The following RYR2 variants were observed in gnomAD, a reference collection of about 807,000 sequenced individuals.
RYR2 encodes the protein ryanodine receptor 2, also known as cardiac muscle ryanodine receptor-calcium release channel.
RYR2 carries 227 observed loss-of-function variants against 601.1 expected under a neutral mutation model. The observed-to-expected ratio is 0.38, with a 90% CI of 0.34 to 0.42. RYR2 has a LOEUF of 0.42. Among genes scored for constraint, RYR2 ranks in the 10% least tolerant of loss-of-function variants. The pLI is 1.00. For synonymous variants in RYR2, 2,223 were observed against 2,175.1 expected (o/e 1.02, Z -0.61); for missense variants, 4,646 against 6,156.5 (o/e 0.75, Z 8.21).
chr1:237,380,359 AATATATATATATATATATATAT>A (rs57204036), intron 8 of RYR2, among the ~76,000 whole-genome samples: 751 of 29,244 alleles, frequency 0.026, 31 homozygotes, highest in Non-Finnish European at 0.038. Flanking sequence ...AGAATACACA[AATATATATATATATATATATAT>A]ATATATATAT....
intron 29 of RYR2, among the ~76,000 whole-genome samples, chr1:237,578,358 G>GC (rs1673499839): frequency 6.6e-6 from 1 of 152,102 alleles, no homozygotes; most frequent in African/African-American, 2.4e-5. Context: ...TGAGCAGGGT[G>GC]CTTTGTATGT....
intron 27 of RYR2, among the ~76,000 whole-genome samples, chr1:237,557,893 T>C (rs763525763): frequency 3.9e-5 from 6 of 152,178 alleles, no homozygotes; most frequent in Non-Finnish European, 8.8e-5. Flanking sequence ...ACATCTTCAG[T>C]TTGAGGTGCA....
At chr1:237,140,471 C>T (rs1234229218) in intron 1 of RYR2, among the ~76,000 whole-genome samples, 3 of 152,176 alleles carry the variant, frequency 2.0e-5, no homozygotes, top group African/African-American at 4.8e-5. Flanking sequence ...ACACACAACA[C>T]TGATGCCCCA....
rs1251818073 is a variant in RYR2 at position 237,654,206 on chromosome 1, G to A, written c.7825-68G>A. The A allele has an allele frequency of 1.0e-5, 16 of 1,552,782 alleles. No individual in the cohort carries two copies. The South Asian group carries it at 1.3e-4, about 13-fold the overall frequency. On this transcript the variant is annotated intron_variant, in intron 51 of 104. Coordinates refer to ENST00000366574, the MANE Select transcript of RYR2 (RefSeq NM_001035.3). The stretch of plus-strand genomic sequence containing the variant: ...AATGTAGCATTAGAGTGTGATATGA[G>A]GAGAAATGAAAAAAAAATATAAAAG...
intron 1 of RYR2, among the ~76,000 whole-genome samples, chr1:237,058,634 A>G (rs1662460706): frequency 6.6e-6 from 1 of 152,114 alleles, no homozygotes; most frequent in Admixed American, 6.5e-5. Context: ...TCTTCCTTGG[A>G]GGCGGGGCGT....
chr1:237,460,566 A>G (rs1352615346), intron 16 of RYR2, among the ~76,000 whole-genome samples: 1 of 152,212 alleles, frequency 6.6e-6, no homozygotes, highest in Non-Finnish European at 1.5e-5. Flanking sequence ...ATGCTTGAAT[A>G]GAGTAGGCAG....
At chr1:237,630,636 T>C (rs1483287399) in intron 41 of RYR2, among the ~76,000 whole-genome samples, 1 of 152,148 alleles carries the variant, frequency 6.6e-6, no homozygotes, top group Admixed American at 6.5e-5. Flanking sequence ...GAAAATGTTT[T>C]ATAGAAAAGA....
chr1:237,798,689 C>T (rs970305461), intron 97 of RYR2, among the ~76,000 whole-genome samples: 1 of 151,928 alleles, frequency 6.6e-6, no homozygotes, highest in African/African-American at 2.4e-5. Context: ...GTAAAGTTTA[C>T]TTCAAAATGA....
chr1:237,061,268 C>CTAT (rs1553275474), intron 1 of RYR2, among the ~76,000 whole-genome samples: 163 of 88,736 alleles, frequency 1.8e-3, no homozygotes, highest in Non-Finnish European at 2.7e-3. Flanking sequence ...ATCTATCTAT[C>CTAT]CATCTATCAT....
At chr1:237,253,647 T>C (rs542774729) in intron 1 of RYR2, among the ~76,000 whole-genome samples, 1 of 152,358 alleles carries the variant, frequency 6.6e-6, no homozygotes, top group South Asian at 2.1e-4. Context: ...CTGTTTTGCT[T>C]GTACTTACTT....
intron 2 of RYR2, among the ~76,000 whole-genome samples, chr1:237,322,811 AAC>A (rs1050470635): frequency 5.2e-4 from 76 of 144,852 alleles, no homozygotes; most frequent in Non-Finnish European, 5.4e-4. Context: ...ATACGTAATA[AAC>A]ACACACACGT....
chr1:237,615,555 AG>A (rs1298614243), intron 37 of RYR2, among the ~76,000 whole-genome samples: 1 of 152,078 alleles, frequency 6.6e-6, no homozygotes, highest in Non-Finnish European at 1.5e-5. Context: ...AGATGTCTAA[AG>A]GGTCCTTTAT....
At chr1:237,304,661 T>G (rs1405828580) in intron 2 of RYR2, among the ~76,000 whole-genome samples, 1 of 152,242 alleles carries the variant, frequency 6.6e-6, no homozygotes, top group Non-Finnish European at 1.5e-5. Flanking sequence ...GGCATTTATT[T>G]ATATATGTAT....
intron 17 of RYR2, among the ~76,000 whole-genome samples, chr1:237,480,132 T>C (rs1661871429): frequency 6.6e-6 from 1 of 152,050 alleles, no homozygotes; most frequent in Non-Finnish European, 1.5e-5. Context: ...AAGATAGGCA[T>C]ATCTGGCGGG....
Position 237,633,595 on chromosome 1 carries a change from G to A in RYR2, c.6573G>A (p.Lys2191=). The A allele has an allele frequency of 6.2e-7, 1 of 1,613,960 alleles. No homozygotes were observed. The highest frequency in any genetic ancestry group is 1.1e-5 in the South Asian group (1 of 91,080). ...ATCTGTAGGAAATCACCTTTCCCAA[G>A]ATGGTGGCCAACTGTTGCCGTTTTC... ...GGESKEITFP[K]MVANCCRFLC... Residue 2191 remains lysine (K), a synonymous_variant, in exon 43 of 105, where the codon AAG becomes AAA. Transcript: ENST00000366574.
rs1409363485 is a variant in RYR2, at chr1:237,794,005, A to C, written c.13913+8A>C. Reference sequence around the variant, plus strand: ...ACTCGTAATCAACACACAGTGAGTAAATAATTATATGAGACTTTCTGCACT... The same window carrying C: ...ACTCGTAATCAACACACAGTGAGTACATAATTATATGAGACTTTCTGCACT... On this transcript the variant is annotated splice_region_variant and intron_variant, in intron 95 of 104. Coordinates refer to ENST00000366574, the MANE Select transcript of RYR2 (RefSeq NM_001035.3). 1.2e-5 allele frequency: 20 copies of C among 1,607,770 alleles called. No homozygotes were observed. The South Asian group carries it at 2.1e-4, about 17-fold the overall frequency.
intron 25 of RYR2, among the ~76,000 whole-genome samples, chr1:237,539,115 C>T (rs1453523173): frequency 1.3e-4 from 20 of 152,148 alleles, no homozygotes; most frequent in Admixed American, 6.5e-5. Context: ...TCTTAGCTTT[C>T]CTTAAAATGT....
In RYR2 at chr1:237,395,564, T is replaced by TTTTG. The variant is rs1400077755; in HGVS notation, c.773+7381_773+7382insTTTG. On this transcript the variant is annotated intron_variant, in intron 10 of 104. Coordinates refer to ENST00000366574, the MANE Select transcript of RYR2 (RefSeq NM_001035.3). The stretch of plus-strand genomic sequence containing the variant: ...TTTTTTTTTTTTTTTTTTTTTTTTT[T>TTTTG]GAGACAGAGTCTCGCTTTGTTCCCC... 5.9e-3 allele frequency among the ~76,000 whole-genome samples: 456 copies of TTTTG among 77,558 alleles called. 8 individuals are homozygous for TTTTG. Among genetic ancestry groups the TTTTG allele is most frequent in the South Asian group, 0.013 (28 of 2,160 alleles). The allele number at this position is 77,558 out of a possible 152,430, so 50.9% of individuals were successfully genotyped here.
chr1:237,316,368 G>C (rs1298638517), intron 2 of RYR2, among the ~76,000 whole-genome samples: 2 of 152,028 alleles, frequency 1.3e-5, no homozygotes, highest in Non-Finnish European at 2.9e-5. Context: ...ATCTGTTATT[G>C]TTACGATACA....
Sources: gnomAD v4.1 joint callset for allele counts (sites outside exome capture counted in the v4.1 genomes callset) on GRCh38, gnomAD v4.1.1 for gene constraint, MANE v1.5 for transcripts, NCBI Gene and HGNC (gene_info 2026-07-23, HGNC 2026-07-21) for gene names.